Variants in RAI14 observed in about 807,000 individuals in gnomAD.
The protein encoded by RAI14 is retinoic acid induced 14, also known as ankycorbin.
RAI14 carries 45 observed loss-of-function variants against 115.4 expected under a neutral mutation model. The observed-to-expected ratio is 0.39, with a 90% CI of 0.31 to 0.50. RAI14 has a LOEUF of 0.50. Among genes scored for constraint, RAI14 ranks in the 20% least tolerant of loss-of-function variants. The pLI is 0.85. For missense variants in RAI14, 939 were observed against 1,131.2 expected (o/e 0.83, Z 2.44); for synonymous variants, 371 against 415.4 (o/e 0.89, Z 1.30).
chr5:34,829,669 T>A (rs1190445602), intron 16 of RAI14, 63 bp from the exon 17 acceptor site: 1 of 1,408,712 alleles, frequency 7.1e-7, no homozygotes, highest in African/African-American at 1.4e-5. Context: ...TCTCATAGTT[T>A]TTTGTTTTTG....
chr5:34,722,188 C>T (rs1742847918), intron 2 of RAI14, among the ~76,000 whole-genome samples: 1 of 150,796 alleles, frequency 6.6e-6, no homozygotes, highest in Non-Finnish European at 1.5e-5. Flanking sequence ...ATCCAAACCC[C>T]CAGTTCCTCA....
intron 15 of RAI14, among the ~76,000 whole-genome samples, chr5:34,824,696 C>A (rs1413970020): frequency 6.6e-6 from 1 of 152,126 alleles, no homozygotes; most frequent in Non-Finnish European, 1.5e-5. Context: ...ATAATCCCAG[C>A]ACTTTGGGAG....
At chr5:34,828,410 A>G (rs1757662498) in intron 16 of RAI14, among the ~76,000 whole-genome samples, 1 of 152,192 alleles carries the variant, frequency 6.6e-6, no homozygotes, top group Non-Finnish European at 1.5e-5. Flanking sequence ...AGAGGCAGTG[A>G]TAGAAAGGAA....
At chr5:34,714,144 T>G (rs1424256013) in intron 2 of RAI14, among the ~76,000 whole-genome samples, 3 of 152,218 alleles carry the variant, frequency 2.0e-5, no homozygotes, top group Non-Finnish European at 4.4e-5. Flanking sequence ...AGTTCTACTG[T>G]TCTACATGAA....
intron 3 of RAI14, among the ~76,000 whole-genome samples, chr5:34,780,143 A>G (rs1751425149): frequency 6.6e-6 from 1 of 152,216 alleles, no homozygotes; most frequent in South Asian, 2.1e-4. Context: ...TATTTAATAA[A>G]TGGTGCTGGG....
In RAI14 at chr5:34,811,099, T is replaced by G; in HGVS notation, c.538T>G (p.Ser180Ala). ...CCTGGATCATGGAGCAGATGTCAAT[T>G]CCAGGAACAAAAGTGGAAGGTACTC... ...FLLDHGADVN[S>A]RNKSGRTALM... Residue 180 changes from serine to alanine, a missense_variant, in exon 8 of 18, where the codon TCC becomes GCC. Transcript: ENST00000265109. 1 of 1,614,080 alleles carries G rather than the reference T, an allele frequency of 6.2e-7. No homozygotes were observed. The highest frequency in any genetic ancestry group is 8.5e-7 in the Non-Finnish European group (1 of 1,180,008).
At chr5:34,752,304 C>G (rs1185043483) in intron 2 of RAI14, among the ~76,000 whole-genome samples, 1 of 152,050 alleles carries the variant, frequency 6.6e-6, no homozygotes, top group Non-Finnish European at 1.5e-5. Flanking sequence ...TTTGCTAAGT[C>G]GAGAGTGATT....
At chr5:34,762,741 C>G (rs1248410743) in intron 3 of RAI14, among the ~76,000 whole-genome samples, 2 of 152,070 alleles carry the variant, frequency 1.3e-5, no homozygotes, top group Non-Finnish European at 2.9e-5. Context: ...AGGTCAATGT[C>G]CTCAAACCTC....
chr5:34,679,626 G>C (rs750928704), intron 1 of RAI14, among the ~76,000 whole-genome samples: 2 of 152,048 alleles, frequency 1.3e-5, no homozygotes, highest in African/African-American at 4.8e-5. Context: ...TGACCCTAAC[G>C]TTGCATTATT....
intron 2 of RAI14, among the ~76,000 whole-genome samples, chr5:34,706,550 A>G (rs976312427): frequency 6.6e-6 from 1 of 152,186 alleles, no homozygotes; most frequent in Non-Finnish European, 1.5e-5. Flanking sequence ...TGATACTCGA[A>G]CCCGGAGTTT....
chr5:34,755,364 A>G (rs1561316509), intron 2 of RAI14, among the ~76,000 whole-genome samples: 2 of 152,200 alleles, frequency 1.3e-5, no homozygotes, highest in Non-Finnish European at 2.9e-5. Flanking sequence ...TTACTTTGTT[A>G]AACCTATGAG....
At chr5:34,754,754 C>G (rs1747661648) in intron 2 of RAI14, among the ~76,000 whole-genome samples, 1 of 152,116 alleles carries the variant, frequency 6.6e-6, no homozygotes, top group Admixed American at 6.6e-5. Flanking sequence ...CCTTGTCTTC[C>G]AAAGAGCAGG....
chr5:34,717,089 G>A (rs1380870318), intron 2 of RAI14, among the ~76,000 whole-genome samples: 2 of 152,190 alleles, frequency 1.3e-5, no homozygotes, highest in African/African-American at 4.8e-5. Flanking sequence ...GTGCGCATGT[G>A]TGTGTGTTTG....
At chr5:34,763,527 G>A (rs1014783220) in intron 3 of RAI14, among the ~76,000 whole-genome samples, 2 of 152,156 alleles carry the variant, frequency 1.3e-5, no homozygotes, top group Non-Finnish European at 2.9e-5. Flanking sequence ...GTACTCCCTG[G>A]GTCCAAAATG....
intron 1 of RAI14, among the ~76,000 whole-genome samples, chr5:34,669,932 T>G (rs937049799): frequency 6.6e-6 from 1 of 152,210 alleles, no homozygotes; most frequent in Non-Finnish European, 1.5e-5. Flanking sequence ...GTTATTGACT[T>G]TGTATCTTTA....
chr5:34,738,226 C>A (rs904654048), intron 2 of RAI14, among the ~76,000 whole-genome samples: 1 of 152,050 alleles, frequency 6.6e-6, no homozygotes, highest in African/African-American at 2.4e-5. Context: ...GAGTTTGAGA[C>A]CAGCCTGGGC....
At position 34,803,745 on chromosome 5, in the gene RAI14, G is replaced by A. The variant is rs759973170; in HGVS notation, c.290G>A (p.Ser97Asn). ...GCCTTACATCTCGCAGCCAAGAACAGCCACCATGAATGCATCAGGAAGCTG... is the reference window on the plus strand; with the variant it reads ...GCCTTACATCTCGCAGCCAAGAACAACCACCATGAATGCATCAGGAAGCTG... Reference protein sequence around the residue: ...HSALHLAAKNSHHECIRKLLQ... With the variant: ...HSALHLAAKNNHHECIRKLLQ... Residue 97 changes from serine (S) to asparagine (N), a missense_variant, in exon 5 of 18, where the codon AGC becomes AAC. Coordinates refer to ENST00000265109, the MANE Select transcript of RAI14 (RefSeq NM_015577.3). The A allele has an allele frequency of 1.2e-6, 2 of 1,612,342 alleles. No homozygotes were observed. Among genetic ancestry groups the A allele is most frequent in the Non-Finnish European group, 1.7e-6 (2 of 1,179,254 alleles).
intron 2 of RAI14, among the ~76,000 whole-genome samples, chr5:34,720,559 C>G (rs539250508): frequency 6.6e-6 from 1 of 151,828 alleles, no homozygotes; most frequent in Non-Finnish European, 1.5e-5. Flanking sequence ...TATAGGCGCC[C>G]GCCACCACGC....
chr5:34,810,932 G>C, intron 7 of RAI14, 80 bp from the exon 8 acceptor site: 2 of 1,597,886 alleles, frequency 1.3e-6, no homozygotes, highest in Non-Finnish European at 1.7e-6. Flanking sequence ...GGAGAAAAAT[G>C]TGCAAAAAAC....
Sources: gnomAD v4.1 joint callset for allele counts (sites outside exome capture counted in the v4.1 genomes callset) on GRCh38, gnomAD v4.1.1 for gene constraint, MANE v1.5 for transcripts, NCBI Gene and HGNC (gene_info 2026-07-23, HGNC 2026-07-21) for gene names.